Variants in SGCG observed in about 807,000 individuals in gnomAD.
The protein encoded by SGCG is gamma-sarcoglycan.
A neutral mutation model predicts 29.3 loss-of-function variants in SGCG; 26 were observed. The ratio of observed to expected loss-of-function variants is 0.89; its 90% confidence interval spans 0.65 to 1.23. SGCG has a LOEUF of 1.23. Ranked by LOEUF, SGCG falls within the 50% of genes most tolerant of loss-of-function variation. SGCG has a pLI of 0.00. For synonymous variants in SGCG, 145 were observed against 129.7 expected (o/e 1.12, Z -0.80); for missense variants, 353 against 356.0 (o/e 0.99, Z 0.07).
chr13:23,191,914 G>A (rs549505620), intron 1 of SGCG, among the ~76,000 whole-genome samples: 6 of 152,192 alleles, frequency 3.9e-5, no homozygotes, highest in African/African-American at 9.6e-5. Context: ...GGCCGGGCGC[G>A]GTGGCTCACG....
the SGCG span, among the ~76,000 whole-genome samples, chr13:23,166,161 T>A: frequency 6.6e-6 from 1 of 152,156 alleles, no homozygotes; most frequent in African/African-American, 2.4e-5. Flanking sequence ...TTAAATATGA[T>A]GTTAGTTGAA....
intron 5 of SGCG, among the ~76,000 whole-genome samples, chr13:23,280,628 G>A (rs1881271694): frequency 6.6e-6 from 1 of 152,140 alleles, no homozygotes; most frequent in Non-Finnish European, 1.5e-5. Flanking sequence ...AAAGAATATG[G>A]GCTGGGTAGA....
chr13:23,211,733 C>T (rs1878221038), intron 2 of SGCG, among the ~76,000 whole-genome samples: 1 of 152,172 alleles, frequency 6.6e-6, no homozygotes, highest in South Asian at 2.1e-4. Flanking sequence ...TCTAAACTGC[C>T]CTCCTGTTGC....
At position 23,324,891 on chromosome 13, in the gene SGCG, G is replaced by A. The variant is rs537146298; in HGVS notation, c.*350G>A. 2.7e-5 allele frequency: 10 copies of A among 363,682 alleles called. No individual in the cohort carries two copies. Among genetic ancestry groups the A allele is most frequent in the South Asian group, 1.5e-4 (7 of 46,780 alleles). The allele number at this position is 363,682 out of a possible 1,614,324, so 22.5% of individuals were successfully genotyped here. ...TTGCCGTGTGGAGTTAATGTATGAC[G>A]CTCCACTGTGGATATCTAATGCCCT... On this transcript the variant is annotated 3_prime_UTR_variant, in exon 8 of 8. Transcript: ENST00000218867.
intron 6 of SGCG, among the ~76,000 whole-genome samples, chr13:23,305,634 A>G (rs1047504220): frequency 5.9e-5 from 9 of 152,252 alleles, no homozygotes; most frequent in African/African-American, 1.9e-4. Context: ...GTATTTCTCC[A>G]TTAACCAAAA....
intron 1 of SGCG, among the ~76,000 whole-genome samples, chr13:23,201,313 C>T (rs1877745527): frequency 6.6e-6 from 1 of 152,108 alleles, no homozygotes; most frequent in Non-Finnish European, 1.5e-5. Flanking sequence ...TAATGGCCCC[C>T]ACAGACATTC....
At chr13:23,310,269 G>A (rs1276011123) in intron 6 of SGCG, among the ~76,000 whole-genome samples, 1 of 151,736 alleles carries the variant, frequency 6.6e-6, no homozygotes, top group Non-Finnish European at 1.5e-5. Flanking sequence ...TGTATTTTTA[G>A]TAGAGACGGG....
At chr13:23,171,854 C>T in the SGCG span, among the ~76,000 whole-genome samples, 7 of 152,304 alleles carry the variant, frequency 4.6e-5, no homozygotes, top group South Asian at 4.1e-4. Flanking sequence ...CTGTGCAGCC[C>T]GGTTCCTAAC....
At chr13:23,177,194 G>A (rs565110070), upstream of SGCG, among the ~76,000 whole-genome samples, 1 of 152,124 alleles carries the variant, frequency 6.6e-6, no homozygotes, top group African/African-American at 2.4e-5. Flanking sequence ...GTTGAGAGTA[G>A]AGCAATGATT....
At position 23,322,789 on chromosome 13, in the gene SGCG, C is replaced by G. The variant is rs1421833111; in HGVS notation, c.703-1579C>G. ...ATCCACCTCCCCCCCCCCCCCCCCC[C>G]GCCAACAGGTGTAACGTGGTGCCGC... On this transcript the variant is annotated intron_variant, in intron 7 of 7. Transcript: ENST00000218867. 2.4e-5 allele frequency among the ~76,000 whole-genome samples: 3 copies of G among 122,676 alleles called. 1 individual carries two copies. The highest frequency in any genetic ancestry group is 5.7e-4 in the East Asian group (2 of 3,512). The allele number at this position is 122,676 out of a possible 152,430, so 80.5% of individuals were successfully genotyped here. A position where few individuals can be genotyped will look rare whatever the true frequency, so the allele number is the denominator to read the frequency against.
At position 23,193,476 on chromosome 13, in the gene SGCG, G is replaced by C. The variant is rs190458275; in HGVS notation, c.1-10219G>C. The stretch of plus-strand genomic sequence containing the variant: ...TGGGGAAGCCAGGATGAGCACAGCT[G>C]TCCTCAGGATGTGGCAGGCAGGGCT... On this transcript the variant is annotated intron_variant, in intron 1 of 7. Coordinates refer to ENST00000218867, the MANE Select transcript of SGCG (RefSeq NM_000231.3). 1.0e-3 allele frequency among the ~76,000 whole-genome samples: 159 copies of C among 152,268 alleles called. 1 individual carries two copies. The highest frequency in any genetic ancestry group is 6.6e-3 in the South Asian group (32 of 4,818).
chr13:23,274,185 A>G lies in SGCG; in HGVS notation c.386-5174A>G, dbSNP rs115761849. Among the ~76,000 whole-genome samples the G allele has an allele frequency of 7.6e-3, 1,163 of 152,150 alleles. 18 individuals are homozygous for G. Among genetic ancestry groups the G allele is most frequent in the African/African-American group, 0.026 (1,077 of 41,484 alleles). On this transcript the variant is annotated intron_variant, in intron 4 of 7. Transcript: ENST00000218867. ...GGATTTTTATCCCAGCTCATTTAGT[A>G]TTCATTTCCTGCATTACTTTTGTCC...
chr13:23,231,367 A>C (rs1398535147), intron 2 of SGCG, among the ~76,000 whole-genome samples: 3 of 149,050 alleles, frequency 2.0e-5, no homozygotes, highest in Non-Finnish European at 3.0e-5. Flanking sequence ...ATTTTCCTGC[A>C]TGTTTTTCAA....
At chr13:23,232,172 T>TACAC (rs1566009963) in intron 2 of SGCG, among the ~76,000 whole-genome samples, 4 of 151,502 alleles carry the variant, frequency 2.6e-5, no homozygotes, top group Non-Finnish European at 4.4e-5. Flanking sequence ...GGGAGGTAGC[T>TACAC]GCACCTAGCA....
the SGCG span, among the ~76,000 whole-genome samples, chr13:23,175,509 G>C: frequency 3.9e-5 from 6 of 152,094 alleles, no homozygotes; most frequent in Non-Finnish European, 8.8e-5. Flanking sequence ...AATATCTGTT[G>C]CTTACAAATT....
At chr13:23,229,863 C>T (rs1319396029) in intron 2 of SGCG, among the ~76,000 whole-genome samples, 1 of 152,144 alleles carries the variant, frequency 6.6e-6, no homozygotes, top group Non-Finnish European at 1.5e-5. Flanking sequence ...TTGCTGGTTC[C>T]TATATCCTAA....
chr13:23,256,731 G>A (rs1425983173), intron 4 of SGCG, among the ~76,000 whole-genome samples: 1 of 152,180 alleles, frequency 6.6e-6, no homozygotes, highest in East Asian at 1.9e-4. Context: ...TGGCTGCATA[G>A]TATTCCATGG....
At chr13:23,298,156 G>C (rs563744436) in intron 6 of SGCG, among the ~76,000 whole-genome samples, 5 of 151,864 alleles carry the variant, frequency 3.3e-5, no homozygotes, top group African/African-American at 1.2e-4. Flanking sequence ...AGGAGTTTGA[G>C]ACCACCCTGG....
intron 4 of SGCG, among the ~76,000 whole-genome samples, chr13:23,272,588 C>G (rs993941297): frequency 3.3e-5 from 5 of 152,038 alleles, no homozygotes; most frequent in African/African-American, 1.2e-4. Flanking sequence ...ATGAGTAATA[C>G]TAGCTTATAG....
Sources: gnomAD v4.1 joint callset for allele counts (sites outside exome capture counted in the v4.1 genomes callset) on GRCh38, gnomAD v4.1.1 for gene constraint, MANE v1.5 for transcripts, NCBI Gene and HGNC (gene_info 2026-07-23, HGNC 2026-07-21) for gene names.